The following CHGA variants were observed in gnomAD, a reference collection of about 807,000 sequenced individuals.
CHGA encodes the protein chromogranin-A.
CHGA carries 41 observed loss-of-function variants against 54.4 expected under a neutral mutation model. The ratio of observed to expected loss-of-function variants is 0.75; its 90% CI spans 0.59 to 0.98. CHGA has a LOEUF of 0.98. Ranked by LOEUF, CHGA falls within the 50% of genes least tolerant of loss-of-function variation. The pLI is 0.00. For missense variants in CHGA, 576 were observed against 582.3 expected, an observed-to-expected ratio of 0.99 and a Z score of 0.11; for synonymous variants, 249 against 232.8, an observed-to-expected ratio of 1.07 and a Z score of -0.63.
intron 2 of CHGA, among the ~76,000 whole-genome samples, chr14:92,924,854 G>C (rs1052614741): frequency 6.6e-6 from 1 of 152,144 alleles, no homozygotes; most frequent in African/African-American, 2.4e-5. Context: ...CACCACGCTG[G>C]GTGTGTACTT....
chr14:92,931,148 G>A, intron 5 of CHGA, 102 bp from the exon 6 acceptor site: 1 of 1,264,436 alleles, frequency 7.9e-7, no homozygotes, highest in Non-Finnish European at 1.1e-6. Context: ...GGGCTCGCTG[G>A]AAGCCAAGAA....
chr14:92,925,980 C>T (rs1886879342), intron 2 of CHGA: 1 of 152,360 alleles, frequency 6.6e-6, no homozygotes, highest in African/African-American at 2.4e-5. Context: ...TGTGGTTGAC[C>T]TGGGATATGC....
In CHGA at chr14:92,932,341, C is replaced by T. The variant is rs755578275; in HGVS notation, c.809-29C>T. Reference sequence around the variant, plus strand: ...GGAAAATGGTGGTCCCCCACCCATTCTCCTGCTCTTGCCCACCACCTGCTC... The same window carrying T: ...GGAAAATGGTGGTCCCCCACCCATTTTCCTGCTCTTGCCCACCACCTGCTC... On this transcript the variant is annotated intron_variant, in intron 6 of 7. Transcript: ENST00000216492. The surrounding 1 kb of genome is among the most constrained non-coding windows in gnomAD (Gnocchi z 5.3). 2.3e-5 allele frequency: 35 copies of T among 1,549,964 alleles called. No individual in the cohort carries two copies. Among genetic ancestry groups the T allele is most frequent in the Non-Finnish European group, 1.7e-6 (2 of 1,147,084 alleles).
chr14:92,929,166 C>T (rs1005045066), intron 4 of CHGA, among the ~76,000 whole-genome samples: 4 of 152,228 alleles, frequency 2.6e-5, no homozygotes, highest in African/African-American at 9.6e-5. Context: ...CAGGCGCCAA[C>T]CCTGGGCTCA....
intron 7 of CHGA, 167 bp downstream of exon 7, chr14:92,933,018 A>G (rs929688468): frequency 8.6e-6 from 9 of 1,049,354 alleles, no homozygotes; most frequent in Admixed American, 3.2e-5. Context: ...AGAACACCCC[A>G]GCTCACAGGG....
chr14:92,923,333 GC>G lies in CHGA; in HGVS notation c.-25del. The G allele has an allele frequency of 7.6e-7, 1 of 1,321,010 alleles. No homozygotes were observed. The highest frequency in any genetic ancestry group is 9.6e-7 in the Non-Finnish European group (1 of 1,037,874). The allele number at this position is 1,321,010 out of a possible 1,614,324, so 81.8% of individuals were successfully genotyped here. A position where few individuals can be genotyped will look rare whatever the true frequency, so the allele number is the denominator to read the frequency against. ...GTGCCTAGGTGCCCGGCCCCACACC[GC>G]CAGCTGCTCGGCGCCCGGGTCCGCC... is the stretch of plus-strand genomic sequence containing the variant. On this transcript the variant is annotated 5_prime_UTR_variant, in exon 1 of 8. Transcript: ENST00000216492.
rs190999870 is a variant in CHGA at position 92,932,434 on chromosome 14, C to T, written c.873C>T (p.Pro291=). 36 of 1,567,692 alleles carry T rather than the reference C, an allele frequency of 2.3e-5. No homozygotes were observed. Among genetic ancestry groups the T allele is most frequent in the Admixed American group, 7.6e-5 (4 of 52,368 alleles). Residue 291 remains proline, a synonymous_variant, in exon 7 of 8, where the codon CCC becomes CCT. Transcript: ENST00000216492. The surrounding 1 kb of genome is among the most constrained non-coding windows in gnomAD (Gnocchi z 5.3). The part of the protein sequence containing the change: ...GKPGAEEAQD[P]EGKGEQEHSQ... ...CTGGGGCTGAGGAGGCTCAGGACCC[C>T]GAAGGGAAGGGAGAACAGGAGCACT...
At chr14:92,923,499 A>G (rs983579369) in intron 1 of CHGA, 94 bp downstream of exon 1, 1 of 1,110,430 alleles carries the variant, frequency 9.0e-7, no homozygotes, top group Admixed American at 4.3e-5. Flanking sequence ...ACCCCTCCAC[A>G]CTTCCCTTCG....
chr14:92,926,700 T>C lies in CHGA; in HGVS notation c.187+2T>C. 6.2e-7 allele frequency: 1 copy of C among 1,613,486 alleles called. No individual in the cohort carries two copies. The highest frequency in any genetic ancestry group is 1.1e-5 in the South Asian group (1 of 91,060). ...AATGTTTTGAGACACTCCGAGGAGG[T>C]ATGAGCTGGAGGCTAGGGGTGAGGG... On this transcript the variant is annotated splice_donor_variant, in intron 3 of 7. Transcript: ENST00000216492. LOFTEE classifies it high-confidence loss of function.
chr14:92,925,266 T>C (rs2139667449), intron 2 of CHGA, among the ~76,000 whole-genome samples: 1 of 152,236 alleles, frequency 6.6e-6, no homozygotes, highest in South Asian at 2.1e-4. Context: ...GCCTTCTTGA[T>C]CTCCCCATCC....
At chr14:92,933,983 C>G (rs1194756600) in intron 7 of CHGA, among the ~76,000 whole-genome samples, 1 of 152,156 alleles carries the variant, frequency 6.6e-6, no homozygotes, top group Non-Finnish European at 1.5e-5. Context: ...AGCACCTGCC[C>G]CAGGGCCTCC....
In CHGA at chr14:92,932,548, G is replaced by A; in HGVS notation, c.987G>A (p.Glu329=). ...GGKSGELEQE[E]ERLSKEWEDS... ...AGAGCGGAGAGCTGGAGCAGGAGGA[G>A]GAGCGGCTCTCCAAGGAGTGGGAGG... Residue 329 remains glutamate (E), a synonymous_variant, in exon 7 of 8, where the codon GAG becomes GAA. Coordinates refer to ENST00000216492, the MANE Select transcript of CHGA (RefSeq NM_001275.4). The surrounding 1 kb of genome is among the most constrained non-coding windows in gnomAD (Gnocchi z 5.3). 1 of 1,555,324 alleles carries A rather than the reference G, an allele frequency of 6.4e-7. No individual in the cohort carries two copies. Among genetic ancestry groups the A allele is most frequent in the South Asian group, 1.2e-5 (1 of 84,362 alleles).
chr14:92,929,172 G>C (rs1886944523), intron 4 of CHGA, among the ~76,000 whole-genome samples: 1 of 152,246 alleles, frequency 6.6e-6, no homozygotes, highest in Non-Finnish European at 1.5e-5. Context: ...CCAACCCTGG[G>C]CTCAGATGTA....
At chr14:92,925,150 T>G (rs1886862926) in intron 2 of CHGA, among the ~76,000 whole-genome samples, 1 of 152,184 alleles carries the variant, frequency 6.6e-6, no homozygotes, top group Non-Finnish European at 1.5e-5. Context: ...AGCTCCGCCT[T>G]TTTCTCCTTT....
Position 92,932,336 on chromosome 14 carries a change from C to T in CHGA, c.809-34C>T. 6.5e-7 allele frequency: 1 copy of T among 1,539,704 alleles called. No homozygotes were observed. The highest frequency in any genetic ancestry group is 8.8e-7 in the Non-Finnish European group (1 of 1,141,214). On this transcript the variant is annotated intron_variant, in intron 6 of 7. Transcript: ENST00000216492. This position sits in a 1 kb window ranked among gnomAD's most constrained non-coding sequence, Gnocchi z 5.3. ...GACTGGGAAAATGGTGGTCCCCCACCCATTCTCCTGCTCTTGCCCACCACC... is the reference window on the plus strand; with the variant it reads ...GACTGGGAAAATGGTGGTCCCCCACTCATTCTCCTGCTCTTGCCCACCACC...
In CHGA at chr14:92,932,620, G is replaced by T; in HGVS notation, c.1059G>T (p.Thr353=). 1 of 1,589,374 alleles carries T rather than the reference G, an allele frequency of 6.3e-7. No individual in the cohort carries two copies. The highest frequency in any genetic ancestry group is 8.6e-7 in the Non-Finnish European group (1 of 1,169,096). ...SKMDQLAKEL[T]AEKRLEGQEE... is the part of the protein sequence containing the mutation. ...TGGACCAGCTGGCCAAGGAGCTGAC[G>T]GCTGAGAAGCGGCTGGAGGGGCAGG... Residue 353 remains threonine (T), a synonymous_variant, in exon 7 of 8, where the codon ACG becomes ACT. Coordinates refer to ENST00000216492, the MANE Select transcript of CHGA (RefSeq NM_001275.4). This position sits in a 1 kb window ranked among gnomAD's most constrained non-coding sequence, Gnocchi z 5.3.
At chr14:92,924,161 G>A (rs1275623947) in intron 1 of CHGA, 38 bp from the exon 2 acceptor site, 2 of 1,604,174 alleles carry the variant, frequency 1.2e-6, no homozygotes, top group Admixed American at 3.4e-5. Flanking sequence ...TCCACTTGGA[G>A]CAGAGGAGTG....
At chr14:92,931,195 G>A in intron 5 of CHGA, 55 bp from the exon 6 acceptor site, 1 of 1,486,024 alleles carries the variant, frequency 6.7e-7, no homozygotes, top group Non-Finnish European at 9.1e-7. Context: ...CCTGTGGGGA[G>A]GCCCCACACG....
In CHGA at chr14:92,932,738, G is replaced by C. The variant is rs1478428505; in HGVS notation, c.1177G>C (p.Gly393Arg). ...GGGCCCTGGGCCGCAGCTGCGACGAGGCTGGAGGCCATCCTCCCGGGAGGA... is the reference window on the plus strand; with the variant it reads ...GGGCCCTGGGCCGCAGCTGCGACGACGCTGGAGGCCATCCTCCCGGGAGGA... ...FRGPGPQLRR[G>R]WRPSSREDSL... The change falls in exon 7 of 8, where the codon GGC becomes CGC. Residue 393 changes from glycine (G) to arginine (R), a missense_variant. Transcript: ENST00000216492. The surrounding 1 kb of genome is among the most constrained non-coding windows in gnomAD (Gnocchi z 5.3). 2 of 1,609,958 alleles carry C rather than the reference G, an allele frequency of 1.2e-6. No homozygotes were observed. Among genetic ancestry groups the C allele is most frequent in the Non-Finnish European group, 1.7e-6 (2 of 1,178,970 alleles).
Sources: gnomAD v4.1 joint callset for allele counts (sites outside exome capture counted in the v4.1 genomes callset) on GRCh38, gnomAD v4.1.1 for gene constraint, Gnocchi (gnomAD v3.1) non-coding constraint, MANE v1.5 for transcripts, NCBI Gene and HGNC (gene_info 2026-07-23, HGNC 2026-07-21) for gene names.